C8orf34: variants seen among roughly 807,000 people sequenced by gnomAD.
C8orf34 encodes the protein uncharacterized protein C8orf34.
Under a neutral mutation model 68.3 loss-of-function variants are expected in C8orf34, and 65 were observed. The ratio of observed to expected loss-of-function variants is 0.95; its 90% CI spans 0.78 to 1.17. The LOEUF (loss-of-function observed/expected upper bound fraction) is 1.17. Among genes scored for constraint, C8orf34 ranks in the 50% most tolerant of loss-of-function variants. The probability of loss-of-function intolerance (pLI) is 0.00; values close to 1 mark genes in which losing one functional copy is unlikely to be tolerated. For missense variants in C8orf34, 664 were observed against 655.4 expected (o/e 1.01, Z -0.14); for synonymous variants, 244 against 241.2 (o/e 1.01, Z -0.11).
chr8:68,585,308 C>CA (rs200411665), intron 7 of C8orf34, among the ~76,000 whole-genome samples: 16 of 151,032 alleles, frequency 1.1e-4, no homozygotes, highest in African/African-American at 2.9e-4. Flanking sequence ...AACCAAAAAC[C>CA]AAAAAAAAGC....
At chr8:68,408,592 G>GGAAA (rs1191149994) in intron 1 of C8orf34, among the ~76,000 whole-genome samples, 4 of 152,012 alleles carry the variant, frequency 2.6e-5, no homozygotes, top group African/African-American at 9.7e-5. Context: ...CAGATTTCTG[G>GGAAA]TTGTCCATTC....
At chr8:68,513,311 G>A (rs1339240528) in intron 5 of C8orf34, among the ~76,000 whole-genome samples, 2 of 152,284 alleles carry the variant, frequency 1.3e-5, no homozygotes, top group African/African-American at 2.4e-5. Flanking sequence ...ACACAGCACA[G>A]ACACAGACAG....
intron 3 of C8orf34, among the ~76,000 whole-genome samples, chr8:68,465,055 A>C (rs1330618548): frequency 6.6e-6 from 1 of 151,916 alleles, no homozygotes; most frequent in Admixed American, 6.6e-5. Flanking sequence ...TGCTCATCTG[A>C]CAAAGGGCTA....
chr8:68,753,857 G>T (rs1034936757), intron 10 of C8orf34, among the ~76,000 whole-genome samples: 2 of 152,116 alleles, frequency 1.3e-5, no homozygotes. Context: ...GATCTGTCAT[G>T]CATGGCCCCT....
intron 7 of C8orf34, among the ~76,000 whole-genome samples, chr8:68,587,175 TG>T: frequency 6.6e-6 from 1 of 152,134 alleles, no homozygotes; most frequent in African/African-American, 2.4e-5. Context: ...ACTCATTTCT[TG>T]GGGTCACACT....
At chr8:68,457,012 T>A (rs1811582747) in intron 3 of C8orf34, among the ~76,000 whole-genome samples, 1 of 152,230 alleles carries the variant, frequency 6.6e-6, no homozygotes, top group Non-Finnish European at 1.5e-5. Flanking sequence ...TGCTGATCCT[T>A]TATAACCATT....
intron 4 of C8orf34, among the ~76,000 whole-genome samples, chr8:68,476,267 G>A (rs1231712192): frequency 2.0e-5 from 3 of 152,156 alleles, no homozygotes; most frequent in Admixed American, 6.5e-5. Context: ...TCAAAGTCTT[G>A]TACAAAGTAC....
At chr8:68,461,878 A>G (rs1037022241) in intron 3 of C8orf34, among the ~76,000 whole-genome samples, 3 of 152,226 alleles carry the variant, frequency 2.0e-5, no homozygotes, top group African/African-American at 7.2e-5. Flanking sequence ...AAGAAACTGC[A>G]TCAACTAACG....
At chr8:68,748,761 A>G (rs1400404579) in intron 10 of C8orf34, among the ~76,000 whole-genome samples, 1 of 152,180 alleles carries the variant, frequency 6.6e-6, no homozygotes, top group Non-Finnish European at 1.5e-5. Flanking sequence ...GAATGTGGAG[A>G]AATAGGAACA....
intron 5 of C8orf34, among the ~76,000 whole-genome samples, chr8:68,498,897 A>G (rs947680088): frequency 6.6e-6 from 1 of 152,204 alleles, no homozygotes; most frequent in African/African-American, 2.4e-5. Context: ...CTGGGACTGT[A>G]CTAAGAAAGC....
At chr8:68,815,487 G>T (rs1314515030) in intron 12 of C8orf34, among the ~76,000 whole-genome samples, 1 of 151,990 alleles carries the variant, frequency 6.6e-6, no homozygotes, top group Non-Finnish European at 1.5e-5. Context: ...TACCTGTCTG[G>T]GGCTGAATAA....
intron 8 of C8orf34, among the ~76,000 whole-genome samples, chr8:68,672,664 CATAA>C (rs1820050609): frequency 6.6e-6 from 1 of 152,134 alleles, no homozygotes; most frequent in African/African-American, 2.4e-5. Context: ...TCTCGAGGGT[CATAA>C]ATAAAGTTGA....
chr8:68,577,130 C>G (rs1320885691), intron 7 of C8orf34, among the ~76,000 whole-genome samples: 1 of 151,864 alleles, frequency 6.6e-6, no homozygotes, highest in African/African-American at 2.4e-5. Context: ...AGCTTTGTGC[C>G]GTGGCAGTAA....
At chr8:68,474,041 C>T (rs764767166) in intron 4 of C8orf34, among the ~76,000 whole-genome samples, 1 of 152,138 alleles carries the variant, frequency 6.6e-6, no homozygotes, top group Admixed American at 6.6e-5. Flanking sequence ...TCCTATGGTT[C>T]GTGATTGATC....
chr8:68,416,981 C>T (rs1429413687), intron 1 of C8orf34, among the ~76,000 whole-genome samples: 1 of 151,906 alleles, frequency 6.6e-6, no homozygotes, highest in Admixed American at 6.6e-5. Flanking sequence ...CTCTTAAAAC[C>T]CAGGAAGAGA....
chr8:68,351,036 G>A (rs1241541201), intron 1 of C8orf34, among the ~76,000 whole-genome samples: 3 of 151,914 alleles, frequency 2.0e-5, no homozygotes, highest in Non-Finnish European at 4.4e-5. Flanking sequence ...GCTTGTTTGT[G>A]TGGTTGCTTT....
At chr8:68,520,244 C>T (rs1814691730) in intron 5 of C8orf34, among the ~76,000 whole-genome samples, 1 of 152,138 alleles carries the variant, frequency 6.6e-6, no homozygotes, top group Admixed American at 6.5e-5. Flanking sequence ...TCCTTTCTGT[C>T]ACTTGCTATT....
intron 1 of C8orf34, among the ~76,000 whole-genome samples, chr8:68,402,967 G>A (rs577831273): frequency 6.6e-6 from 1 of 152,160 alleles, no homozygotes; most frequent in Non-Finnish European, 1.5e-5. Context: ...CCCAGTGACT[G>A]TACCCCTCCC....
At chr8:68,732,277 A>G (rs1821999818) in intron 10 of C8orf34, among the ~76,000 whole-genome samples, 1 of 152,238 alleles carries the variant, frequency 6.6e-6, no homozygotes, top group Non-Finnish European at 1.5e-5. Flanking sequence ...CTTAAAATCT[A>G]TAAATGAAAA....
Sources: allele counts gnomAD v4.1 joint callset (sites outside exome capture counted in the v4.1 genomes callset), GRCh38; gene constraint gnomAD v4.1.1; transcripts MANE v1.5; gene names NCBI Gene and HGNC (gene_info 2026-07-23, HGNC 2026-07-21).